DGKK: variants seen among roughly 807,000 people sequenced by gnomAD.
The protein encoded by DGKK is diacylglycerol kinase kappa.
A neutral mutation model predicts 92.2 loss-of-function variants in DGKK; 35 were observed. That is an observed-to-expected ratio of 0.38 (90% CI 0.29 to 0.50). The LOEUF (loss-of-function observed/expected upper bound fraction) is 0.50. Among genes scored for constraint, DGKK ranks in the 20% least tolerant of loss-of-function variants. The pLI is 0.92. For missense variants in DGKK, 910 were observed against 992.2 expected (o/e 0.92, Z 1.11); for synonymous variants, 368 against 360.6 (o/e 1.02, Z -0.23).
At chrX:50,443,281 A>G (rs1166180310) in intron 1 of DGKK, among the ~76,000 whole-genome samples, 2 of 111,120 alleles carry the variant, frequency 1.8e-5, no homozygotes, top group African/African-American at 6.5e-5. Context: ...GTCCAGTGGC[A>G]TAAATCCTCC....
chrX:50,462,390 CTTTTTTTTTTTTT>C (rs782504562), intron 1 of DGKK, among the ~76,000 whole-genome samples: 1 of 60,493 alleles, frequency 1.7e-5, no homozygotes, highest in African/African-American at 7.4e-5. Context: ...GAAGTGAGTG[CTTTTTTTTTTTTT>C]TTTTTTTTGA....
chrX:50,432,342 C>T (rs1375243489), intron 1 of DGKK, among the ~76,000 whole-genome samples: 1 of 112,375 alleles, frequency 8.9e-6, no homozygotes, highest in Non-Finnish European at 1.9e-5. Context: ...TATGAATAGG[C>T]AAAAACTTTA....
intron 1 of DGKK, among the ~76,000 whole-genome samples, chrX:50,462,245 G>T (rs1926763092): frequency 9.0e-6 from 1 of 110,987 alleles, no homozygotes; most frequent in African/African-American, 3.3e-5. Context: ...ATAGACTGGG[G>T]CAGCGGGAAG....
intron 26 of DGKK, 102 bp downstream of exon 26, chrX:50,371,622 C>T (rs1406758594): frequency 1.6e-5 from 9 of 565,894 alleles, no homozygotes; most frequent in African/African-American, 1.4e-4. Flanking sequence ...CAGCACTGGA[C>T]CCCCTGTACT....
chrX:50,407,987 T>G (rs1425856402), intron 4 of DGKK, among the ~76,000 whole-genome samples: 1 of 112,842 alleles, frequency 8.9e-6, no homozygotes, highest in Admixed American at 9.3e-5. Flanking sequence ...GCGACTCAGC[T>G]GTGAACATGT....
At chrX:50,469,724 C>A (rs1927004761) in intron 1 of DGKK, among the ~76,000 whole-genome samples, 1 of 112,985 alleles carries the variant, frequency 8.9e-6, no homozygotes, top group Admixed American at 9.2e-5. Flanking sequence ...TATCTTCCTC[C>A]TCTCTTTCAA....
chrX:50,391,609 C>T, intron 10 of DGKK, 33 bp from the exon 11 acceptor site: 1 of 1,206,387 alleles, frequency 8.3e-7, no homozygotes, highest in African/African-American at 1.7e-5. Flanking sequence ...CCTTTTCAGA[C>T]AGTCTTTCTA....
At chrX:50,467,878 C>A (rs1233043213) in intron 1 of DGKK, among the ~76,000 whole-genome samples, 1 of 112,564 alleles carries the variant, frequency 8.9e-6, no homozygotes, top group Non-Finnish European at 1.9e-5. Context: ...TACCTAGATC[C>A]TTTACATCCT....
At chrX:50,390,462 A>G in intron 11 of DGKK, 53 bp from the exon 12 acceptor site, 2 of 1,092,540 alleles carry the variant, frequency 1.8e-6, no homozygotes, top group South Asian at 3.7e-5. Context: ...TGACTGGTAA[A>G]AATTAGTGCT....
chrX:50,451,932 G>A lies in DGKK; in HGVS notation c.645+18102C>T, dbSNP rs146705475. 9.8e-3 allele frequency among the ~76,000 whole-genome samples: 1,093 copies of A among 112,015 alleles called. 13 individuals are homozygous for A. The highest frequency in any genetic ancestry group is 0.033 in the African/African-American group (1,011 of 30,891). On this transcript the variant is annotated intron_variant, in intron 1 of 27. Coordinates refer to ENST00000611977, the MANE Select transcript of DGKK (RefSeq NM_001013742.4). The stretch of plus-strand genomic sequence containing the variant: ...GCATAGGGCACTCATCCTTTTGAAA[G>A]GAAAACGGACCAGAGGTCATGAGCA...
chrX:50,447,791 TG>T (rs1415021441), intron 1 of DGKK, among the ~76,000 whole-genome samples: 1 of 109,826 alleles, frequency 9.1e-6, no homozygotes, highest in Non-Finnish European at 1.9e-5. Context: ...GAAATTCTCT[TG>T]GGAAGGAGGG....
intron 8 of DGKK, among the ~76,000 whole-genome samples, chrX:50,400,282 T>C (rs147847368): frequency 0.017 from 1,898 of 112,062 alleles, 38 homozygotes; most frequent in African/African-American, 0.059. Context: ...GCTTCTGCTT[T>C]TTTTGTTCTA....
chrX:50,457,062 A>G (rs782742151), intron 1 of DGKK, among the ~76,000 whole-genome samples: 9 of 112,060 alleles, frequency 8.0e-5, no homozygotes, highest in African/African-American at 2.9e-4. Context: ...GGTGACTTCC[A>G]ATCTAAGAAG....
chrX:50,404,974 T>A (rs1043851077), intron 4 of DGKK, among the ~76,000 whole-genome samples: 2 of 111,480 alleles, frequency 1.8e-5, no homozygotes, highest in African/African-American at 6.5e-5. Context: ...ATCCCTTGAG[T>A]ATTCTTTTAG....
intron 1 of DGKK, among the ~76,000 whole-genome samples, chrX:50,455,239 C>T (rs1557232783): frequency 8.9e-6 from 1 of 112,019 alleles, no homozygotes; most frequent in Admixed American, 9.4e-5. Flanking sequence ...AGAAAGTCCT[C>T]ACTTTCCCTC....
chrX:50,381,235 A>G (rs1207802378), intron 18 of DGKK, among the ~76,000 whole-genome samples: 4 of 111,770 alleles, frequency 3.6e-5, no homozygotes, highest in Non-Finnish European at 7.5e-5. Flanking sequence ...TGGGAAGCTG[A>G]GGCGGGCGGA....
At chrX:50,395,501 G>C (rs1002506434) in intron 8 of DGKK, among the ~76,000 whole-genome samples, 10 of 111,327 alleles carry the variant, frequency 9.0e-5, no homozygotes, top group African/African-American at 3.3e-4. Context: ...TTTTTGTTTT[G>C]TTTAGTGTCA....
intron 1 of DGKK, among the ~76,000 whole-genome samples, chrX:50,436,255 T>C (rs1459450280): frequency 8.9e-6 from 1 of 112,236 alleles, no homozygotes; most frequent in Non-Finnish European, 1.9e-5. Context: ...GAGTCCTGAC[T>C]ATGTGGGAAG....
At position 50,371,819 on chromosome X, in the gene DGKK, C is replaced by T. The variant is rs1557223263; in HGVS notation, c.3517G>A (p.Asp1173Asn). 1 of 1,195,327 alleles carries T rather than the reference C, an allele frequency of 8.4e-7. No homozygotes were observed. The change falls in exon 26 of 28, where the codon GAT becomes AAT. Residue 1173 changes from aspartate (D) to asparagine (N), a missense_variant. Coordinates refer to ENST00000611977, the MANE Select transcript of DGKK (RefSeq NM_001013742.4). The part of the protein sequence containing the change: ...LDEKLLRSAE[D>N]ETALQSALDA... ...AGGGCGCTTTGTAGTGCAGTCTCAT[C>T]CTCAGCACTTCTCAGCTGGTACAGA...
Sources: gnomAD v4.1 joint callset for allele counts (sites outside exome capture counted in the v4.1 genomes callset) on GRCh38, gnomAD v4.1.1 for gene constraint, MANE v1.5 for transcripts, NCBI Gene and HGNC (gene_info 2026-07-23, HGNC 2026-07-21) for gene names.